TMEM266: variants seen among roughly 807,000 people sequenced by gnomAD.
TMEM266 encodes the protein Hv1 related protein 1.
TMEM266 carries 33 observed loss-of-function variants against 50.5 expected under a neutral mutation model. The observed-to-expected ratio is 0.65, with a 90% CI of 0.50 to 0.87. TMEM266 has a LOEUF of 0.87. TMEM266 is among the 40% of genes least tolerant of loss of function. TMEM266 has a pLI of 0.00. For missense variants in TMEM266, 655 were observed against 695.1 expected (o/e 0.94, Z 0.65); for synonymous variants, 310 against 292.3 (o/e 1.06, Z -0.62).
In TMEM266 at chr15:76,203,625, G is replaced by A. The variant is rs1421978721; in HGVS notation, c.1022-116G>A. 90 of 940,896 alleles carry A rather than the reference G, an allele frequency of 9.6e-5. 1 individual carries two copies. The South Asian group carries it at 1.3e-3, about 14-fold the overall frequency. 58.3% of individuals were successfully genotyped at this position (940,896 alleles called of 1,614,324 possible). On this transcript the variant is annotated intron_variant, in intron 10 of 10. Transcript: ENST00000388942. ...CAAGGCCTCCTTCCACAAAGGCACG[G>A]TCTCCTACAGCCTAGCCACACTCAT...
At chr15:76,192,246 G>A in intron 9 of TMEM266, 89 bp downstream of exon 9, 1 of 1,236,580 alleles carries the variant, frequency 8.1e-7, no homozygotes, top group Non-Finnish European at 1.1e-6. Context: ...TGCGCAGAGT[G>A]GATGGGGTTC....
rs1427475458 is a variant in TMEM266, at chr15:76,168,091, C to T, written c.457-1725C>T. On this transcript the variant is annotated intron_variant, in intron 5 of 10. Coordinates refer to ENST00000388942, the MANE Select transcript of TMEM266 (RefSeq NM_152335.3). The surrounding 1 kb of genome is among the most constrained non-coding windows in gnomAD (Gnocchi z 4.4). Reference sequence around the variant, plus strand: ...GGCCCAGGGACGGGATTTGACTTGCCCAAGGCCACACAACCAGCCCATTAT... The same window carrying T: ...GGCCCAGGGACGGGATTTGACTTGCTCAAGGCCACACAACCAGCCCATTAT... Among the ~76,000 whole-genome samples the T allele has an allele frequency of 1.3e-5, 2 of 152,196 alleles. No homozygotes were observed. The highest frequency in any genetic ancestry group is 2.9e-5 in the Non-Finnish European group (2 of 68,040).
chr15:76,097,167 TG>T (rs2036933769), intron 1 of TMEM266, among the ~76,000 whole-genome samples: 1 of 152,020 alleles, frequency 6.6e-6, no homozygotes, highest in Admixed American at 6.5e-5. Flanking sequence ...TGATGCTAGC[TG>T]GTTATTTTGC....
At chr15:76,182,365 G>A (rs1418016051) in intron 8 of TMEM266, among the ~76,000 whole-genome samples, 3 of 152,018 alleles carry the variant, frequency 2.0e-5, no homozygotes, top group Non-Finnish European at 1.5e-5. Flanking sequence ...GGTCGGGTGC[G>A]GTGGCTCACA....
At position 76,111,117 on chromosome 15, in the gene TMEM266, G is replaced by A. The variant is rs1316082130; in HGVS notation, c.-96-23051G>A. Among the ~76,000 whole-genome samples the A allele has an allele frequency of 2.1e-5, 3 of 143,192 alleles. No homozygotes were observed. The South Asian group carries it at 6.9e-4, about 33-fold the overall frequency. 93.9% of individuals were successfully genotyped at this position (143,192 alleles called of 152,430 possible). On this transcript the variant is annotated intron_variant, in intron 1 of 10. Transcript: ENST00000388942. ...TTTTTTGAGATGGAGTTTCGCTTTT[G>A]TTGCCCAGGCTGGAGTGCAATGGCA...
chr15:76,134,780 G>A (rs1360601937), intron 2 of TMEM266, among the ~76,000 whole-genome samples: 1 of 152,230 alleles, frequency 6.6e-6, no homozygotes, highest in Non-Finnish European at 1.5e-5. Context: ...GTATGAATCT[G>A]TTATCTATTG....
At chr15:76,132,872 C>CACCTGTA (rs1431920332) in intron 1 of TMEM266, among the ~76,000 whole-genome samples, 23 of 143,672 alleles carry the variant, frequency 1.6e-4, no homozygotes, top group Non-Finnish European at 1.7e-4. Flanking sequence ...CAGTGGCTCA[C>CACCTGTA]ACCTGTAATC....
chr15:76,072,938 CTT>C (rs996244909), intron 1 of TMEM266, among the ~76,000 whole-genome samples: 1 of 141,692 alleles, frequency 7.1e-6, no homozygotes, highest in Admixed American at 7.1e-5. Context: ...ATCCAGCCTT[CTT>C]TTTTTTTTGA....
chr15:76,062,295 A>G (rs1481151770), intron 1 of TMEM266, among the ~76,000 whole-genome samples: 1 of 152,212 alleles, frequency 6.6e-6, no homozygotes, highest in African/African-American at 2.4e-5. Context: ...ATATAAGACT[A>G]TCTCTTTTAA....
intron 1 of TMEM266, among the ~76,000 whole-genome samples, chr15:76,085,100 C>T (rs1330617032): frequency 6.6e-6 from 1 of 151,734 alleles, no homozygotes; most frequent in Non-Finnish European, 1.5e-5. Context: ...GCTGGGACTA[C>T]AGGCGCCTGC....
chr15:76,098,921 T>TC (rs1373510607), intron 1 of TMEM266, among the ~76,000 whole-genome samples: 7 of 151,506 alleles, frequency 4.6e-5, no homozygotes, highest in South Asian at 2.1e-4. Context: ...TGGTCGCCCC[T>TC]CCCCCCCACC....
chr15:76,062,175 T>A lies in TMEM266; in HGVS notation c.-97+2159T>A, dbSNP rs538293925. 7.0e-4 allele frequency among the ~76,000 whole-genome samples: 106 copies of A among 152,290 alleles called. 1 individual carries two copies. Among genetic ancestry groups the A allele is most frequent in the African/African-American group, 2.5e-3 (102 of 41,570 alleles). ...AGCTTTTCTACTCAGGTCACATAGT[T>A]GAGATAGTGGTGAGAAAGGTATAGG... On this transcript the variant is annotated intron_variant, in intron 1 of 10. Coordinates refer to ENST00000388942, the MANE Select transcript of TMEM266 (RefSeq NM_152335.3).
At chr15:76,148,039 C>A (rs1241747619) in intron 3 of TMEM266, among the ~76,000 whole-genome samples, 1 of 152,230 alleles carries the variant, frequency 6.6e-6, no homozygotes, top group Non-Finnish European at 1.5e-5. Context: ...GCAAAATATC[C>A]GTCCGTCCCC....
At chr15:76,178,092 A>G (rs983343104) in intron 8 of TMEM266, among the ~76,000 whole-genome samples, 1 of 152,072 alleles carries the variant, frequency 6.6e-6, no homozygotes, top group Non-Finnish European at 1.5e-5. Context: ...AGGATTGGGG[A>G]CAGGCTTGGG....
intron 3 of TMEM266, among the ~76,000 whole-genome samples, chr15:76,145,088 T>C (rs1222093648): frequency 6.6e-6 from 1 of 152,172 alleles, no homozygotes; most frequent in Non-Finnish European, 1.5e-5. Flanking sequence ...CAAGGGTGGC[T>C]TTGAGATTGG....
intron 1 of TMEM266, among the ~76,000 whole-genome samples, chr15:76,128,264 C>T (rs1292726464): frequency 1.3e-5 from 2 of 152,228 alleles, no homozygotes; most frequent in African/African-American, 2.4e-5. Flanking sequence ...ACCTGGGGTC[C>T]TCTGGGGACA....
intron 1 of TMEM266, among the ~76,000 whole-genome samples, chr15:76,122,809 G>A (rs1431427113): frequency 6.6e-6 from 1 of 152,182 alleles, no homozygotes; most frequent in Non-Finnish European, 1.5e-5. Context: ...AGGCCAGCTA[G>A]GGGCGAGGAG....
At chr15:76,200,680 C>T (rs1282020696) in intron 9 of TMEM266, among the ~76,000 whole-genome samples, 2 of 152,194 alleles carry the variant, frequency 1.3e-5, no homozygotes, top group African/African-American at 4.8e-5. Flanking sequence ...GGTCCTGAGC[C>T]TCCAGCTTGC....
intron 1 of TMEM266, among the ~76,000 whole-genome samples, chr15:76,107,801 T>C (rs950181073): frequency 2.0e-5 from 3 of 152,174 alleles, no homozygotes; most frequent in African/African-American, 7.2e-5. Context: ...GTCTAGATCA[T>C]TCAAAAGGAG....
Sources: allele counts gnomAD v4.1 joint callset (sites outside exome capture counted in the v4.1 genomes callset), GRCh38; gene constraint gnomAD v4.1.1; non-coding constraint Gnocchi (gnomAD v3.1); transcripts MANE v1.5; gene names NCBI Gene and HGNC (gene_info 2026-07-23, HGNC 2026-07-21).